MARCHF1: variants seen among roughly 807,000 people sequenced by gnomAD.
The protein encoded by MARCHF1 is E3 ubiquitin-protein ligase MARCHF1.
MARCHF1 carries 40 observed loss-of-function variants against 54.2 expected under a neutral mutation model. The ratio of observed to expected loss-of-function variants is 0.74; its 90% CI spans 0.57 to 0.96. MARCHF1 has a LOEUF of 0.96. MARCHF1 is among the 40% of genes least tolerant of loss of function. The pLI, the probability that MARCHF1 is intolerant of heterozygous loss-of-function variation, is 0.00. For missense variants in MARCHF1, 586 were observed against 656.5 expected, an observed-to-expected ratio of 0.89 and a Z score of 1.17; for synonymous variants, 236 against 236.3, an observed-to-expected ratio of 1.00 and a Z score of 0.01.
intron 3 of MARCHF1, among the ~76,000 whole-genome samples, chr4:163,922,953 T>G (rs1187903808): frequency 1.3e-5 from 2 of 152,144 alleles, no homozygotes; most frequent in Non-Finnish European, 2.9e-5. Flanking sequence ...AAAGAAAATT[T>G]TATCCTAAGC....
chr4:163,946,737 G>T (rs75590481), intron 3 of MARCHF1, among the ~76,000 whole-genome samples: 1,965 of 152,270 alleles, frequency 0.013, 37 homozygotes, highest in African/African-American at 0.043. Flanking sequence ...AATTTTACAC[G>T]ATTGTGGCCA....
intron 3 of MARCHF1, among the ~76,000 whole-genome samples, chr4:163,961,765 T>C (rs1255483359): frequency 6.6e-6 from 1 of 151,950 alleles, no homozygotes; most frequent in Admixed American, 6.6e-5. Context: ...AGATTAAACA[T>C]ACTTTCCTCT....
intron 2 of MARCHF1, among the ~76,000 whole-genome samples, chr4:164,054,181 C>T (rs1314895559): frequency 1.3e-5 from 2 of 151,526 alleles, no homozygotes; most frequent in Admixed American, 6.6e-5. Context: ...AAAATGCTCA[C>T]CATCACTGGC....
At chr4:163,649,378 G>A (rs2111064255) in intron 5 of MARCHF1, among the ~76,000 whole-genome samples, 1 of 152,200 alleles carries the variant, frequency 6.6e-6, no homozygotes, top group Middle Eastern at 3.4e-3. Flanking sequence ...TAGGCAGAGA[G>A]TTGTAAATCG....
At chr4:164,046,538 T>C (rs967455156) in intron 2 of MARCHF1, among the ~76,000 whole-genome samples, 4 of 152,236 alleles carry the variant, frequency 2.6e-5, no homozygotes, top group African/African-American at 9.6e-5. Context: ...TCATCTGTTT[T>C]ACTATTAATA....
At chr4:163,650,691 T>TA (rs1742932562) in intron 5 of MARCHF1, among the ~76,000 whole-genome samples, 1 of 151,970 alleles carries the variant, frequency 6.6e-6, no homozygotes, top group South Asian at 2.1e-4. Context: ...AACAGATATC[T>TA]AAAAAATTTC....
intron 1 of MARCHF1, among the ~76,000 whole-genome samples, chr4:164,267,048 A>G (rs1441516606): frequency 6.6e-6 from 1 of 152,204 alleles, no homozygotes; most frequent in Non-Finnish European, 1.5e-5. Flanking sequence ...CCTACCAAGA[A>G]TCAAGACAGA....
Position 164,379,701 on chromosome 4 carries a change from G to A in MARCHF1, c.-323+4169C>T, listed in dbSNP as rs1426705634. Among the ~76,000 whole-genome samples, 5 of 152,110 alleles carry A rather than the reference G, an allele frequency of 3.3e-5. No individual in the cohort carries two copies. In the East Asian group the frequency reaches 7.7e-4, roughly 23 times the overall value. On this transcript the variant is annotated intron_variant, in intron 1 of 9. Coordinates refer to ENST00000514618, the MANE Select transcript of MARCHF1 (RefSeq NM_001394959.1). Reference sequence around the variant, plus strand: ...GTGAGAAGTCAAAAGAATAACAAATGTTGGCCGGGCACAGTGGCTTATGCC... The same window carrying A: ...GTGAGAAGTCAAAAGAATAACAAATATTGGCCGGGCACAGTGGCTTATGCC...
intron 1 of MARCHF1, among the ~76,000 whole-genome samples, chr4:164,181,331 T>C (rs1176795100): frequency 6.6e-6 from 1 of 152,176 alleles, no homozygotes; most frequent in South Asian, 2.1e-4. Flanking sequence ...TTTTGTATCA[T>C]ATACACAAGA....
chr4:164,093,260 A>C (rs992236898), intron 2 of MARCHF1, among the ~76,000 whole-genome samples: 1 of 152,132 alleles, frequency 6.6e-6, no homozygotes, highest in African/African-American at 2.4e-5. Context: ...AAAACACAGG[A>C]GGAATTACCA....
intron 1 of MARCHF1, among the ~76,000 whole-genome samples, chr4:164,283,059 T>C (rs1427158313): frequency 6.6e-6 from 1 of 151,228 alleles, no homozygotes; most frequent in Non-Finnish European, 1.5e-5. Context: ...CAGTATTAAC[T>C]TGATAGCTCC....
At chr4:164,038,585 A>G (rs1335819146) in intron 2 of MARCHF1, among the ~76,000 whole-genome samples, 1 of 152,210 alleles carries the variant, frequency 6.6e-6, no homozygotes, top group Non-Finnish European at 1.5e-5. Context: ...TGTAGGCTAG[A>G]GGTGTATATC....
chr4:164,122,917 G>A (rs929955180), intron 1 of MARCHF1, among the ~76,000 whole-genome samples: 2 of 152,054 alleles, frequency 1.3e-5, no homozygotes, highest in Non-Finnish European at 2.9e-5. Context: ...TCAAAGTACT[G>A]GAAGTGTTAG....
At chr4:163,853,457 T>C (rs1374685248) in intron 4 of MARCHF1, among the ~76,000 whole-genome samples, 3 of 152,200 alleles carry the variant, frequency 2.0e-5, no homozygotes, top group African/African-American at 7.2e-5. Flanking sequence ...TGGAAAATGA[T>C]AGCTAGTTAA....
At chr4:164,298,664 T>C (rs938237391) in intron 1 of MARCHF1, among the ~76,000 whole-genome samples, 1 of 152,112 alleles carries the variant, frequency 6.6e-6, no homozygotes, top group Non-Finnish European at 1.5e-5. Context: ...GAGATTAAAA[T>C]AAGGTTTTCT....
chr4:164,369,102 G>T (rs1263781758), intron 1 of MARCHF1, among the ~76,000 whole-genome samples: 2 of 152,036 alleles, frequency 1.3e-5, no homozygotes, highest in Non-Finnish European at 2.9e-5. Flanking sequence ...TAAGTGGGCT[G>T]CTCCGGGGAT....
At chr4:163,855,422 T>C (rs946318524) in intron 3 of MARCHF1, among the ~76,000 whole-genome samples, 3 of 152,172 alleles carry the variant, frequency 2.0e-5, no homozygotes, top group African/African-American at 7.2e-5. Context: ...TTGTGATCTA[T>C]TCAATACAAA....
At chr4:164,020,073 G>A (rs1433837750) in intron 2 of MARCHF1, among the ~76,000 whole-genome samples, 1 of 152,162 alleles carries the variant, frequency 6.6e-6, no homozygotes, top group Non-Finnish European at 1.5e-5. Flanking sequence ...CTGTTTTAGT[G>A]ACTACACTTT....
At chr4:164,024,303 C>T (rs558392193) in intron 2 of MARCHF1, among the ~76,000 whole-genome samples, 9 of 152,024 alleles carry the variant, frequency 5.9e-5, no homozygotes, top group Admixed American at 2.6e-4. Context: ...CCAAGGTCAA[C>T]GTGAAAGAAA....
Sources: allele counts gnomAD v4.1 joint callset (sites outside exome capture counted in the v4.1 genomes callset), GRCh38; gene constraint gnomAD v4.1.1; transcripts MANE v1.5; gene names NCBI Gene and HGNC (gene_info 2026-07-23, HGNC 2026-07-21).